Variants in ELMOD1 observed in about 807,000 individuals in gnomAD.
The protein encoded by ELMOD1 is ELMO domain containing 1, also known as ELMO domain-containing protein 1.
ELMOD1 carries 21 observed loss-of-function variants against 46.7 expected under a neutral mutation model. The observed-to-expected ratio is 0.45, with a 90% CI of 0.32 to 0.65. ELMOD1 has a LOEUF of 0.65. Among genes scored for constraint, ELMOD1 ranks in the 30% least tolerant of loss-of-function variants. ELMOD1 has a pLI of 0.04. For missense variants in ELMOD1, 348 were observed against 407.8 expected, an observed-to-expected ratio of 0.85 and a Z score of 1.26; for synonymous variants, 122 against 138.2, an observed-to-expected ratio of 0.88 and a Z score of 0.82.
At chr11:107,656,128 C>A in intron 11 of ELMOD1, 62 bp downstream of exon 11, 1 of 1,523,624 alleles carries the variant, frequency 6.6e-7, no homozygotes, top group Non-Finnish European at 8.8e-7. Context: ...TGGCTCACCC[C>A]TGTAATCCCA....
Position 107,655,958 on chromosome 11 carries a change from A to G in ELMOD1, c.724A>G (p.Asn242Asp). 3 of 1,605,568 alleles carry G rather than the reference A, an allele frequency of 1.9e-6. No individual in the cohort carries two copies. Among genetic ancestry groups the G allele is most frequent in the Non-Finnish European group, 2.6e-6 (3 of 1,175,356 alleles). The change falls in exon 11 of 12, where the codon AAT becomes GAT. Residue 242 changes from asparagine to aspartate, a missense_variant. Transcript: ENST00000265840. ...GTACTCATTTGCAATTGTGGGCATC[A>G]ATATAACTGACCTGGCATATAATCT... Reference protein sequence around the residue: ...IGYSFAIVGINITDLAYNLLV... With the variant: ...IGYSFAIVGIDITDLAYNLLV...
intron 6 of ELMOD1, among the ~76,000 whole-genome samples, chr11:107,644,102 G>C (rs1392956764): frequency 2.0e-5 from 3 of 151,878 alleles, no homozygotes; most frequent in African/African-American, 7.3e-5. Flanking sequence ...GCGAAACCCT[G>C]TCTCTACTAA....
At chr11:107,658,663 A>G (rs1866675463) in intron 11 of ELMOD1, among the ~76,000 whole-genome samples, 1 of 152,228 alleles carries the variant, frequency 6.6e-6, no homozygotes. Flanking sequence ...TTGCCGGCAC[A>G]GTGGCTCACA....
In ELMOD1 at chr11:107,621,813, G is replaced by A. The variant is rs146623708; in HGVS notation, c.17+3607G>A. Among the ~76,000 whole-genome samples, 777 of 125,964 alleles carry A rather than the reference G, an allele frequency of 6.2e-3. 6 individuals carry two copies. The highest frequency in any genetic ancestry group is 0.017 in the African/African-American group (669 of 38,284). The allele number at this position is 125,964 out of a possible 152,430, so 82.6% of individuals were successfully genotyped here. On this transcript the variant is annotated intron_variant, in intron 2 of 11. Transcript: ENST00000265840. ...AGGCCAAGGCAGGTGGATCACCTGAGGTCAGGAGTTCAAGACCAGCCTGGC... is the reference window on the plus strand; with the variant it reads ...AGGCCAAGGCAGGTGGATCACCTGAAGTCAGGAGTTCAAGACCAGCCTGGC...
At chr11:107,605,438 T>G (rs1466894742) in intron 1 of ELMOD1, among the ~76,000 whole-genome samples, 2 of 152,322 alleles carry the variant, frequency 1.3e-5, no homozygotes, top group East Asian at 3.9e-4. Context: ...TGACCTCAAG[T>G]GATCCGCCCA....
intron 6 of ELMOD1, among the ~76,000 whole-genome samples, chr11:107,641,721 A>G (rs927072798): frequency 1.3e-4 from 20 of 152,208 alleles, no homozygotes; most frequent in African/African-American, 4.6e-4. Context: ...TATGTAGCAT[A>G]GTAAGATTAT....
chr11:107,654,147 C>T, intron 9 of ELMOD1, 25 bp from the exon 10 acceptor site: 1 of 1,561,248 alleles, frequency 6.4e-7, no homozygotes, highest in Non-Finnish European at 8.7e-7. Context: ...ATCTGACTTA[C>T]TTACTTATTC....
chr11:107,605,291 T>C (rs777889375), intron 1 of ELMOD1, among the ~76,000 whole-genome samples: 6 of 151,480 alleles, frequency 4.0e-5, no homozygotes, highest in Non-Finnish European at 8.8e-5. Flanking sequence ...CCTTGACATA[T>C]TGGGCTCAGG....
chr11:107,616,861 T>C (rs1865871692), intron 1 of ELMOD1, among the ~76,000 whole-genome samples: 1 of 152,186 alleles, frequency 6.6e-6, no homozygotes, highest in African/African-American at 2.4e-5. Flanking sequence ...GAATCAACCA[T>C]TTCCCAGGGT....
At chr11:107,648,577 A>T (rs1209955279) in intron 7 of ELMOD1, among the ~76,000 whole-genome samples, 2 of 152,210 alleles carry the variant, frequency 1.3e-5, no homozygotes, top group Non-Finnish European at 2.9e-5. Context: ...AATTGTATAA[A>T]GAGTACTTTT....
In ELMOD1 at chr11:107,652,351, A is replaced by G. The variant is rs186298540; in HGVS notation, c.647+1443A>G. ...ACATCCATTGGTTGAGTATTAAAGT[A>G]ACTTGAGGGATAAAAGTGGATTCAA... On this transcript the variant is annotated intron_variant, in intron 9 of 11. Coordinates refer to ENST00000265840, the MANE Select transcript of ELMOD1 (RefSeq NM_018712.4). Among the ~76,000 whole-genome samples the G allele has an allele frequency of 2.0e-5, 3 of 152,354 alleles. No individual in the cohort carries two copies. The East Asian group carries it at 5.8e-4, about 29-fold the overall frequency.
intron 2 of ELMOD1, among the ~76,000 whole-genome samples, chr11:107,626,838 G>C (rs1351960781): frequency 6.6e-6 from 1 of 152,066 alleles, no homozygotes; most frequent in Admixed American, 6.6e-5. Flanking sequence ...TAAACTTTGT[G>C]ATTTAGGGAC....
At chr11:107,630,955 A>G (rs1269193229) in intron 4 of ELMOD1, among the ~76,000 whole-genome samples, 2 of 152,166 alleles carry the variant, frequency 1.3e-5, no homozygotes, top group Non-Finnish European at 2.9e-5. Context: ...CTTCATTGTC[A>G]AATGAACCCT....
chr11:107,660,020 G>A (rs1289123599), intron 11 of ELMOD1, among the ~76,000 whole-genome samples: 1 of 152,178 alleles, frequency 6.6e-6, no homozygotes, highest in Non-Finnish European at 1.5e-5. Context: ...TTTGGAAGCA[G>A]CAGCAATCCC....
chr11:107,664,264 A>G (rs1866797448), intron 11 of ELMOD1, among the ~76,000 whole-genome samples: 1 of 150,858 alleles, frequency 6.6e-6, no homozygotes, highest in Non-Finnish European at 1.5e-5. Flanking sequence ...AAAAAAAAAC[A>G]CTATGCATAT....
At chr11:107,611,819 G>A (rs909791179) in intron 1 of ELMOD1, among the ~76,000 whole-genome samples, 1 of 151,198 alleles carries the variant, frequency 6.6e-6, no homozygotes, top group Non-Finnish European at 1.5e-5. Context: ...ACCACAATGA[G>A]ATACCATCTC....
intron 1 of ELMOD1, among the ~76,000 whole-genome samples, chr11:107,595,122 C>T (rs1339578819): frequency 1.3e-5 from 2 of 150,624 alleles, no homozygotes; most frequent in Non-Finnish European, 2.9e-5. Context: ...AATACAATGT[C>T]GTTCTAGATT....
chr11:107,604,887 T>C (rs2135657748), intron 1 of ELMOD1, among the ~76,000 whole-genome samples: 2 of 152,342 alleles, frequency 1.3e-5, no homozygotes, highest in Middle Eastern at 3.4e-3. Flanking sequence ...TCCAAGCTGC[T>C]GGAAATGCCC....
intron 10 of ELMOD1, among the ~76,000 whole-genome samples, chr11:107,655,604 G>C (rs981496374): frequency 1.3e-5 from 1 of 77,114 alleles, no homozygotes; most frequent in Non-Finnish European, 2.5e-5. Flanking sequence ...GTGAAAGCAC[G>C]TTTACTAAGA....
Sources: gnomAD v4.1 joint callset for allele counts (sites outside exome capture counted in the v4.1 genomes callset) on GRCh38, gnomAD v4.1.1 for gene constraint, MANE v1.5 for transcripts, NCBI Gene and HGNC (gene_info 2026-07-23, HGNC 2026-07-21) for gene names.